ATF7: variants seen among roughly 807,000 people sequenced by gnomAD.
ATF7 encodes cyclic AMP-dependent transcription factor ATF-7.
In ATF7, 10 loss-of-function variants were observed where a neutral mutation model predicts 50.4. The ratio of observed to expected loss-of-function variants is 0.20; its 90% CI spans 0.12 to 0.34. The LOEUF is 0.34. Among genes scored for constraint, ATF7 ranks in the 10% least tolerant of loss-of-function variants. ATF7 has a pLI of 1.00. For missense variants in ATF7, 465 were observed against 613.9 expected (o/e 0.76, Z 2.56); for synonymous variants, 201 against 226.4 (o/e 0.89, Z 1.01).
At chr12:53,622,257 G>A (rs1010298256) in intron 1 of ATF7, among the ~76,000 whole-genome samples, 8 of 151,562 alleles carry the variant, frequency 5.3e-5, no homozygotes, top group African/African-American at 1.9e-4. Flanking sequence ...AGCTGAGATC[G>A]CACCACTGCA....
chr12:53,617,766 C>G (rs948750398), intron 1 of ATF7, among the ~76,000 whole-genome samples: 4 of 152,040 alleles, frequency 2.6e-5, no homozygotes, highest in African/African-American at 9.7e-5. Flanking sequence ...TCTTTTCATA[C>G]AACCTTTCCT....
At position 53,575,179 on chromosome 12, in the gene ATF7, A is replaced by G. The variant is rs554390425; in HGVS notation, c.49-22542T>C. On this transcript the variant is annotated intron_variant, in intron 2 of 11. Coordinates refer to ENST00000420353, the MANE Select transcript of ATF7 (RefSeq NM_006856.3). ...TCCCAGCACTTTGGGAGGCCGAGGCAGGCGGATCACCTGAGGTTGAGAGTT... is the reference window on the plus strand; with the variant it reads ...TCCCAGCACTTTGGGAGGCCGAGGCGGGCGGATCACCTGAGGTTGAGAGTT... Among the ~76,000 whole-genome samples, 181 of 151,370 alleles carry G rather than the reference A, an allele frequency of 1.2e-3. 1 individual carries two copies. In the South Asian group the frequency reaches 0.014, roughly 12 times the overall value.
At chr12:53,527,175 A>ATAAAT (rs1938532025) in intron 9 of ATF7, among the ~76,000 whole-genome samples, 1 of 149,874 alleles carries the variant, frequency 6.7e-6, no homozygotes, top group Admixed American at 6.7e-5. Context: ...ATAAAATAAA[A>ATAAAT]TAAAAAAATT....
At chr12:53,509,373 G>T (rs1257911643), downstream of ATF7, among the ~76,000 whole-genome samples, 8 of 152,086 alleles carry the variant, frequency 5.3e-5, no homozygotes, top group African/African-American at 1.9e-4. Context: ...TGCCGAGGGG[G>T]CTTTGGGCTT....
At chr12:53,600,760 A>G (rs1193467874) in intron 2 of ATF7, 193 bp downstream of exon 2, 2 of 532,226 alleles carry the variant, frequency 3.8e-6, no homozygotes, top group Non-Finnish European at 6.7e-6. Flanking sequence ...AATATGGAAG[A>G]CAGCAAGGCA....
At chr12:53,588,743 T>G (rs1942826638) in intron 2 of ATF7, among the ~76,000 whole-genome samples, 1 of 152,204 alleles carries the variant, frequency 6.6e-6, no homozygotes, top group Non-Finnish European at 1.5e-5. Flanking sequence ...TCTTGTTCTG[T>G]CTACGTTTCT....
intron 2 of ATF7, among the ~76,000 whole-genome samples, chr12:53,561,795 TTAAA>T (rs1941131972): frequency 2.0e-5 from 3 of 152,244 alleles, no homozygotes. Context: ...TTCATGGCTC[TTAAA>T]TGAATCATTT....
intron 2 of ATF7, among the ~76,000 whole-genome samples, chr12:53,571,959 C>T (rs189052833): frequency 5.3e-5 from 8 of 151,718 alleles, no homozygotes; most frequent in African/African-American, 1.5e-4. Context: ...CACAGACACT[C>T]GGCAGGCCGA....
chr12:53,528,292 G>A (rs1479017270), intron 9 of ATF7, among the ~76,000 whole-genome samples: 1 of 152,038 alleles, frequency 6.6e-6, no homozygotes, highest in Non-Finnish European at 1.5e-5. Flanking sequence ...TGAGAATTTC[G>A]GCTTCCTCTT....
rs568845351 is a variant in ATF7, at chr12:53,535,858, C to T, written c.403-1199G>A. Among the ~76,000 whole-genome samples, 7 of 152,016 alleles carry T rather than the reference C, an allele frequency of 4.6e-5. No homozygotes were observed. The South Asian group carries it at 1.2e-3, about 27-fold the overall frequency. ...GTGATGTGCATTAAAGTCATAACAA[C>T]AAAATGACTTTTAGGCTGGGTGCGG... On this transcript the variant is annotated intron_variant, in intron 5 of 11. Coordinates refer to ENST00000420353, the MANE Select transcript of ATF7 (RefSeq NM_006856.3).
chr12:53,583,905 AC>A (rs1942555800), intron 2 of ATF7, among the ~76,000 whole-genome samples: 1 of 152,264 alleles, frequency 6.6e-6, no homozygotes, highest in Non-Finnish European at 1.5e-5. Flanking sequence ...CAGACACTTC[AC>A]CAAAGAAAAA....
In ATF7 at chr12:53,544,109, G is replaced by C. The variant is rs1939734723; in HGVS notation, c.146-661C>G. Among the ~76,000 whole-genome samples the C allele has an allele frequency of 2.0e-5, 3 of 152,178 alleles. No homozygotes were observed. The South Asian group carries it at 6.2e-4, about 32-fold the overall frequency. ...CTAATTTCACAGAGACCTAGGCCCA[G>C]AGCAAGTTCCTGAAACCAGGGTATT... On this transcript the variant is annotated intron_variant, in intron 3 of 11. Coordinates refer to ENST00000420353, the MANE Select transcript of ATF7 (RefSeq NM_006856.3).
At chr12:53,548,775 G>A (rs536342892) in intron 3 of ATF7, among the ~76,000 whole-genome samples, 1 of 152,296 alleles carries the variant, frequency 6.6e-6, no homozygotes. Context: ...CTGAGGCAAG[G>A]AGTTCAAGAC....
chr12:53,623,450 T>G (rs931198760), intron 1 of ATF7, among the ~76,000 whole-genome samples: 1 of 152,204 alleles, frequency 6.6e-6, no homozygotes, highest in African/African-American at 2.4e-5. Context: ...ACAAAAGAAA[T>G]GAATGCTTTT....
At chr12:53,599,124 T>C (rs1346690032) in intron 2 of ATF7, among the ~76,000 whole-genome samples, 1 of 152,154 alleles carries the variant, frequency 6.6e-6, no homozygotes, top group Non-Finnish European at 1.5e-5. Flanking sequence ...CTTGAACTCC[T>C]GGACTCTCAA....
chr12:53,594,887 CA>C (rs561674660), intron 2 of ATF7, among the ~76,000 whole-genome samples: 3,132 of 97,694 alleles, frequency 0.032, 106 homozygotes, highest in African/African-American at 0.097. Context: ...GACCCCATCT[CA>C]AAAAAAAAAA....
intron 2 of ATF7, among the ~76,000 whole-genome samples, chr12:53,587,843 A>ATATATATATATATATATATATATATT: frequency 1.2e-3 from 76 of 61,496 alleles, no homozygotes; most frequent in Non-Finnish European, 2.0e-3. Flanking sequence ...ATATATATAT[A>ATATATATATATATATATATATATATT]TTTTTTTTTT....
chr12:53,524,786 T>G lies in ATF7; in HGVS notation c.928-25A>C. On this transcript the variant is annotated intron_variant, in intron 9 of 11. Coordinates refer to ENST00000420353, the MANE Select transcript of ATF7 (RefSeq NM_006856.3). The surrounding 1 kb of genome is among the most constrained non-coding windows in gnomAD (Gnocchi z 4.6). ...CCTGGTGCCCAGGAAGGAAGAGAGG[T>G]TACTTGATGGGAACATTAATCCTTT... The G allele has an allele frequency of 1.3e-6, 2 of 1,550,226 alleles. No homozygotes were observed. The highest frequency in any genetic ancestry group is 1.7e-6 in the Non-Finnish European group (2 of 1,146,426).
At chr12:53,615,227 C>T (rs1944070489) in intron 1 of ATF7, among the ~76,000 whole-genome samples, 1 of 148,670 alleles carries the variant, frequency 6.7e-6, no homozygotes, top group African/African-American at 2.5e-5. Flanking sequence ...ACTAAAAATA[C>T]AAAAAAATTG....
Sources: gnomAD v4.1 joint callset for allele counts (sites outside exome capture counted in the v4.1 genomes callset) on GRCh38, gnomAD v4.1.1 for gene constraint, Gnocchi (gnomAD v3.1) non-coding constraint, MANE v1.5 for transcripts, NCBI Gene and HGNC (gene_info 2026-07-23, HGNC 2026-07-21) for gene names.